GNS: variants seen among roughly 807,000 people sequenced by gnomAD.
The protein encoded by GNS is glucosamine (N-acetyl)-6-sulfatase.
Under a neutral mutation model 69.7 loss-of-function variants are expected in GNS, and 40 were observed. The observed-to-expected ratio is 0.57, with a 90% CI of 0.45 to 0.75. The LOEUF is 0.75. Ranked by LOEUF, GNS falls within the 30% of genes least tolerant of loss-of-function variation. The probability of loss-of-function intolerance (pLI) is 0.00; values close to 1 mark genes in which losing one functional copy is unlikely to be tolerated. For missense variants in GNS, 565 were observed against 685.5 expected (o/e 0.82, Z 1.96); for synonymous variants, 243 against 251.6 (o/e 0.97, Z 0.32).
chr12:64,741,084 G>T (rs1869717678), intron 6 of GNS, among the ~76,000 whole-genome samples: 1 of 20,090 alleles, frequency 5.0e-5, no homozygotes, highest in Admixed American at 3.8e-4. Flanking sequence ...GCGGGCGCCT[G>T]TAGTCCCAGC....
chr12:64,751,157 G>A (rs1022189833), intron 2 of GNS, among the ~76,000 whole-genome samples: 1 of 152,126 alleles, frequency 6.6e-6, no homozygotes, highest in Admixed American at 6.5e-5. Flanking sequence ...AGACCAGCCC[G>A]GGCTACATAG....
At chr12:64,738,329 A>G (rs1869616484) in intron 8 of GNS, among the ~76,000 whole-genome samples, 1 of 152,198 alleles carries the variant, frequency 6.6e-6, no homozygotes, top group Non-Finnish European at 1.5e-5. Context: ...TTGATACATA[A>G]TAACCAGAGT....
In GNS at chr12:64,748,034, C is replaced by T. The variant is rs17100633; in HGVS notation, c.253-116G>A. ...TACTCTAACTTCAAATATGTAGTTT[C>T]TCATGGAATATATATATTTTTTTCT... On this transcript the variant is annotated intron_variant, in intron 2 of 13. Transcript: ENST00000258145. The T allele has an allele frequency of 0.021, 15,223 of 710,966 alleles. 1,705 individuals carry two copies. In the African/African-American group the frequency reaches 0.24, roughly 11 times the overall value. The allele number at this position is 710,966 out of a possible 1,614,324, so 44.0% of individuals were successfully genotyped here. A position where few individuals can be genotyped will look rare whatever the true frequency, so the allele number is the denominator to read the frequency against.
At chr12:64,718,321 C>G (rs1868927658) in intron 13 of GNS, among the ~76,000 whole-genome samples, 1 of 152,136 alleles carries the variant, frequency 6.6e-6, no homozygotes, top group East Asian at 1.9e-4. Context: ...GTAGTTCATG[C>G]TAACATCAGC....
intron 6 of GNS, among the ~76,000 whole-genome samples, chr12:64,742,400 T>A (rs555830876): frequency 6.6e-6 from 1 of 152,362 alleles, no homozygotes; most frequent in African/African-American, 2.4e-5. Flanking sequence ...CCAGACAATA[T>A]GCTAATTGTT....
chr12:64,748,646 T>C (rs1336855845), intron 2 of GNS, among the ~76,000 whole-genome samples: 1 of 152,144 alleles, frequency 6.6e-6, no homozygotes, highest in Non-Finnish European at 1.5e-5. Flanking sequence ...ATTTCCTATA[T>C]CATTTTATAC....
At chr12:64,753,013 C>T in intron 1 of GNS, 1 of 526,316 alleles carries the variant, frequency 1.9e-6, no homozygotes, top group South Asian at 2.3e-5. Flanking sequence ...ATCTTTGTGC[C>T]CTTATTAGTC....
At chr12:64,722,127 C>T (rs558521836) in intron 11 of GNS, among the ~76,000 whole-genome samples, 3 of 151,870 alleles carry the variant, frequency 2.0e-5, no homozygotes, top group East Asian at 1.9e-4. Context: ...CGGGTTCACA[C>T]GATTATCCTT....
At chr12:64,747,661 AT>A (rs769455143) in intron 3 of GNS, 50 bp downstream of exon 3, 2 of 973,054 alleles carry the variant, frequency 2.1e-6, no homozygotes, top group East Asian at 4.8e-5. Context: ...CATGAATTAT[AT>A]TCACATTTTA....
chr12:64,744,794 G>C lies in GNS; in HGVS notation c.624+15C>G, dbSNP rs1472114631. 5 of 1,208,630 alleles carry C rather than the reference G, an allele frequency of 4.1e-6. No homozygotes were observed. Among genetic ancestry groups the C allele is most frequent in the Non-Finnish European group, 4.9e-6 (4 of 809,406 alleles). The allele number at this position is 1,208,630 out of a possible 1,614,324, so 74.9% of individuals were successfully genotyped here. ...AACCCTGTAAGGACAGAGCTACAAA[G>C]CTTCTGCAACTCACCAAAACATCTG... On this transcript the variant is annotated intron_variant, in intron 5 of 13. Coordinates refer to ENST00000258145, the MANE Select transcript of GNS (RefSeq NM_002076.4).
intron 13 of GNS, 137 bp downstream of exon 13, chr12:64,719,885 G>A: frequency 1.4e-6 from 1 of 717,772 alleles, no homozygotes; most frequent in Non-Finnish European, 2.5e-6. Context: ...ACAACGGGCT[G>A]ATGCAATTAG....
intron 3 of GNS, 33 bp downstream of exon 3, chr12:64,747,679 A>AT (rs1869936832): frequency 2.7e-6 from 3 of 1,100,854 alleles, no homozygotes; most frequent in Non-Finnish European, 2.8e-6. Context: ...TTTAAAAGCC[A>AT]TTATAAAAAA....
At chr12:64,746,101 G>A in intron 3 of GNS, 1 of 308,698 alleles carries the variant, frequency 3.2e-6, no homozygotes, top group Non-Finnish European at 6.2e-6. Flanking sequence ...TTTACATAGT[G>A]CAGTGTCTGT....
chr12:64,717,655 G>A lies in GNS; in HGVS notation c.1581-836C>T, dbSNP rs977226515. On this transcript the variant is annotated intron_variant, in intron 13 of 13. Coordinates refer to ENST00000258145, the MANE Select transcript of GNS (RefSeq NM_002076.4). ...TGGGATTACAAATGTGAGCCACCGCGCCCAGCCAGGAATGAATCTTCTATC... is the reference window on the plus strand; with the variant it reads ...TGGGATTACAAATGTGAGCCACCGCACCCAGCCAGGAATGAATCTTCTATC... Among the ~76,000 whole-genome samples the A allele has an allele frequency of 2.6e-5, 4 of 151,746 alleles. No individual in the cohort carries two copies. In the East Asian group the frequency reaches 5.8e-4, roughly 22 times the overall value.
intron 3 of GNS, 89 bp from the exon 4 acceptor site, chr12:64,745,813 C>A: frequency 1.2e-6 from 1 of 833,818 alleles, no homozygotes. Context: ...CTTTTTAGAC[C>A]AGTGCCTGAA....
At chr12:64,717,293 AATC>A (rs1291241934) in intron 13 of GNS, among the ~76,000 whole-genome samples, 1 of 152,164 alleles carries the variant, frequency 6.6e-6, no homozygotes, top group Non-Finnish European at 1.5e-5. Flanking sequence ...GAAAGAAAAA[AATC>A]ATACAGCAAG....
At chr12:64,747,662 T>A (rs1869935840) in intron 3 of GNS, 50 bp downstream of exon 3, 1 of 984,712 alleles carries the variant, frequency 1.0e-6, no homozygotes, top group Non-Finnish European at 1.6e-6. Context: ...ATGAATTATA[T>A]TCACATTTTA....
At chr12:64,744,051 C>A (rs1235249895) in intron 5 of GNS, among the ~76,000 whole-genome samples, 1 of 152,196 alleles carries the variant, frequency 6.6e-6, no homozygotes, top group African/African-American at 2.4e-5. Context: ...TCAGGGCCCT[C>A]CTACTTACTA....
chr12:64,723,153 G>A, intron 10 of GNS, 40 bp from the exon 11 acceptor site: 1 of 1,187,308 alleles, frequency 8.4e-7, no homozygotes, highest in Non-Finnish European at 1.3e-6. Flanking sequence ...GATGCACATA[G>A]ACTATGATAA....
Sources: allele counts gnomAD v4.1 joint callset (sites outside exome capture counted in the v4.1 genomes callset), GRCh38; gene constraint gnomAD v4.1.1; transcripts MANE v1.5; gene names NCBI Gene and HGNC (gene_info 2026-07-23, HGNC 2026-07-21).